The following KCNJ6 variants were observed in gnomAD, a reference collection of about 807,000 sequenced individuals.
The protein encoded by KCNJ6 is G protein-activated inward rectifier potassium channel 2.
In KCNJ6, 9 loss-of-function variants were observed where a neutral mutation model predicts 34.2. The ratio of observed to expected loss-of-function variants is 0.26; its 90% CI spans 0.16 to 0.46. The LOEUF (loss-of-function observed/expected upper bound fraction) is 0.46, where lower values mean the gene tolerates loss of function less well. KCNJ6 is among the 20% of genes least tolerant of loss of function. The pLI, the probability that KCNJ6 is intolerant of heterozygous loss-of-function variation, is 1.00. For synonymous variants in KCNJ6, 196 were observed against 207.1 expected, an observed-to-expected ratio of 0.95 and a Z score of 0.46; for missense variants, 236 against 531.3, an observed-to-expected ratio of 0.44 and a Z score of 5.46.
chr21:37,915,058 T>G (rs1482686932), intron 1 of KCNJ6, among the ~76,000 whole-genome samples: 2 of 152,312 alleles, frequency 1.3e-5, no homozygotes, highest in East Asian at 3.9e-4. Context: ...CTCTCCATAT[T>G]GCACCTAGTA....
chr21:37,785,461 A>T lies in KCNJ6; in HGVS notation c.25+55197T>A, dbSNP rs1399042496. On this transcript the variant is annotated intron_variant, in intron 2 of 3. Coordinates refer to ENST00000609713, the MANE Select transcript of KCNJ6 (RefSeq NM_002240.5). ...AGGCATCCATGTCTTAATGCCTGGG[A>T]ATGACATACATGGAAACTGTATTCT... 2.6e-5 allele frequency among the ~76,000 whole-genome samples: 4 copies of T among 152,328 alleles called. No individual in the cohort carries two copies. In the East Asian group the frequency reaches 5.8e-4, roughly 22 times the overall value.
In KCNJ6 at chr21:37,714,189, C is replaced by G; in HGVS notation, c.946+22G>C. 1 of 1,559,432 alleles carries G rather than the reference C, an allele frequency of 6.4e-7. No individual in the cohort carries two copies. Among genetic ancestry groups the G allele is most frequent in the Non-Finnish European group, 8.8e-7 (1 of 1,134,790 alleles). On this transcript the variant is annotated intron_variant, in intron 3 of 3. Coordinates refer to ENST00000609713, the MANE Select transcript of KCNJ6 (RefSeq NM_002240.5). This position sits in a 1 kb window ranked among gnomAD's most constrained non-coding sequence, Gnocchi z 5.9. ...AAATGAGCATCTATCCCACAGCCATCCCAGGATAGAACACATCTTACCTGT... is the reference window on the plus strand; with the variant it reads ...AAATGAGCATCTATCCCACAGCCATGCCAGGATAGAACACATCTTACCTGT...
rs1279698216 is a variant in KCNJ6 at position 37,618,800 on chromosome 21, G to A, written c.*6359C>T. 7 of 152,200 alleles carry A rather than the reference G, an allele frequency of 4.6e-5. No individual in the cohort carries two copies. Among genetic ancestry groups the A allele is most frequent in the Non-Finnish European group, 1.0e-4 (7 of 68,026 alleles). 9.4% of individuals were successfully genotyped at this position (152,200 alleles called of 1,614,324 possible). On this transcript the variant is annotated 3_prime_UTR_variant, in exon 4 of 4. Coordinates refer to ENST00000609713, the MANE Select transcript of KCNJ6 (RefSeq NM_002240.5). ...TTGACCACCCCAGTGAAATATTTTT[G>A]TGTGCCTTTAAAGTATTTTGCCTTC...
chr21:37,822,735 G>A (rs925708189), intron 2 of KCNJ6, among the ~76,000 whole-genome samples: 5 of 152,064 alleles, frequency 3.3e-5, no homozygotes, highest in African/African-American at 1.2e-4. Flanking sequence ...ACCCACTATT[G>A]GTCTCAGGTT....
chr21:37,815,033 T>C (rs532439833), intron 2 of KCNJ6, among the ~76,000 whole-genome samples: 80 of 152,048 alleles, frequency 5.3e-4, no homozygotes, highest in Non-Finnish European at 7.9e-4. Context: ...AAACATCGCA[T>C]GTTCTCACTT....
At chr21:37,681,584 G>A (rs2054590897) in intron 3 of KCNJ6, among the ~76,000 whole-genome samples, 1 of 152,156 alleles carries the variant, frequency 6.6e-6, no homozygotes, top group Non-Finnish European at 1.5e-5. Context: ...GTTTCACTCG[G>A]ATCTGTCTTG....
intron 2 of KCNJ6, among the ~76,000 whole-genome samples, chr21:37,736,443 A>G (rs1423856752): frequency 6.6e-6 from 1 of 152,206 alleles, no homozygotes; most frequent in African/African-American, 2.4e-5. Flanking sequence ...TGGCTGCACA[A>G]CATCATCAAT....
intron 1 of KCNJ6, among the ~76,000 whole-genome samples, chr21:37,877,414 G>T (rs181212731): frequency 8.5e-4 from 130 of 152,244 alleles, no homozygotes; most frequent in African/African-American, 3.1e-3. Flanking sequence ...CTCTCTGCAG[G>T]ATGTGCAGAG....
At chr21:37,705,591 G>A (rs1395876525) in intron 3 of KCNJ6, among the ~76,000 whole-genome samples, 5 of 152,162 alleles carry the variant, frequency 3.3e-5, no homozygotes, top group East Asian at 1.9e-4. Context: ...TGATTATCTC[G>A]TGGAATCTTT....
intron 3 of KCNJ6, among the ~76,000 whole-genome samples, chr21:37,664,665 A>G (rs1412141699): frequency 6.6e-6 from 1 of 152,208 alleles, no homozygotes; most frequent in Non-Finnish European, 1.5e-5. Flanking sequence ...TATTAAAGAA[A>G]TGAAATCAGT....
intron 2 of KCNJ6, among the ~76,000 whole-genome samples, chr21:37,767,969 A>T (rs970804444): frequency 1.3e-5 from 2 of 152,222 alleles, no homozygotes; most frequent in African/African-American, 4.8e-5. Context: ...GGTCTGGGAA[A>T]TCATATGTGA....
intron 1 of KCNJ6, among the ~76,000 whole-genome samples, chr21:37,874,216 G>C (rs774817060): frequency 6.4e-4 from 97 of 152,160 alleles, no homozygotes; most frequent in Admixed American, 2.6e-3. Flanking sequence ...CCCATCAGCC[G>C]CAGGCCACAC....
chr21:37,718,399 A>C (rs1484793810), intron 2 of KCNJ6, among the ~76,000 whole-genome samples: 1 of 152,186 alleles, frequency 6.6e-6, no homozygotes, highest in Admixed American at 6.5e-5. Context: ...CAGATAGAAG[A>C]GTGGTCAGGG....
intron 1 of KCNJ6, among the ~76,000 whole-genome samples, chr21:37,859,242 A>G (rs1249551095): frequency 6.6e-6 from 1 of 151,960 alleles, no homozygotes; most frequent in Non-Finnish European, 1.5e-5. Flanking sequence ...AGCTATTTAT[A>G]AAAGAGAATA....
chr21:37,651,285 A>C (rs2054432174), intron 3 of KCNJ6, among the ~76,000 whole-genome samples: 2 of 152,192 alleles, frequency 1.3e-5, no homozygotes, highest in African/African-American at 4.8e-5. Context: ...GGTGAGGCTA[A>C]AGAGGAGAGC....
intron 2 of KCNJ6, among the ~76,000 whole-genome samples, chr21:37,807,472 TAAC>T (rs899142236): frequency 1.3e-5 from 2 of 152,376 alleles, no homozygotes; most frequent in African/African-American, 2.4e-5. Context: ...ATGTGTCGCA[TAAC>T]AACGTTTCTG....
intron 2 of KCNJ6, among the ~76,000 whole-genome samples, chr21:37,819,710 T>G (rs557373142): frequency 6.6e-6 from 1 of 152,332 alleles, no homozygotes; most frequent in African/African-American, 2.4e-5. Context: ...TCTTACTGTT[T>G]ATTTTCATTA....
At chr21:37,642,892 C>A (rs1049998744) in intron 3 of KCNJ6, among the ~76,000 whole-genome samples, 1 of 152,158 alleles carries the variant, frequency 6.6e-6, no homozygotes, top group African/African-American at 2.4e-5. Flanking sequence ...GATCTGTGAT[C>A]CTGAGCATGC....
At chr21:37,725,946 C>A (rs911939002) in intron 2 of KCNJ6, among the ~76,000 whole-genome samples, 2 of 152,200 alleles carry the variant, frequency 1.3e-5, no homozygotes. Context: ...ACTCTTGTCA[C>A]CCAGGCTGGG....
Sources: allele counts gnomAD v4.1 joint callset (sites outside exome capture counted in the v4.1 genomes callset), GRCh38; gene constraint gnomAD v4.1.1; non-coding constraint Gnocchi (gnomAD v3.1); transcripts MANE v1.5; gene names NCBI Gene and HGNC (gene_info 2026-07-23, HGNC 2026-07-21).